ARID3C: variants seen among roughly 807,000 people sequenced by gnomAD.
ARID3C encodes AT-rich interaction domain 3C, also known as AT-rich interactive domain-containing protein 3C.
ARID3C carries 42 observed loss-of-function variants against 37.9 expected under a neutral mutation model. That is an observed-to-expected ratio of 1.11 (90% CI 0.87 to 1.43). ARID3C has a LOEUF of 1.43. Among genes scored for constraint, ARID3C ranks in the 40% most tolerant of loss-of-function variants. The pLI, the probability that ARID3C is intolerant of heterozygous loss-of-function variation, is 0.00. For synonymous variants in ARID3C, 213 were observed against 228.0 expected (o/e 0.93, Z 0.59); for missense variants, 581 against 548.8 (o/e 1.06, Z -0.59).
intron 1 of ARID3C, among the ~76,000 whole-genome samples, chr9:34,626,097 C>T (rs1480378402): frequency 6.6e-6 from 1 of 152,208 alleles, no homozygotes; most frequent in East Asian, 1.9e-4. Context: ...CTTGGAGGCT[C>T]AGCCTGCCCT....
exon 4 of ARID3C, chr9:34,623,532 C>T (rs768875626): frequency 3.2e-6 from 5 of 1,570,748 alleles, no homozygotes; most frequent in Admixed American, 1.9e-5. Context: ...AGGGGCGGGG[C>T]CGGGACCCAA....
chr9:34,626,880 C>T (rs1820659912), intron 1 of ARID3C, among the ~76,000 whole-genome samples: 2 of 152,146 alleles, frequency 1.3e-5, no homozygotes, highest in South Asian at 4.1e-4. Flanking sequence ...GGAATATACC[C>T]AGACCAACAC....
At chr9:34,630,368 C>T (rs1213331574), upstream of ARID3C, among the ~76,000 whole-genome samples, 1 of 152,158 alleles carries the variant, frequency 6.6e-6, no homozygotes, top group Non-Finnish European at 1.5e-5. Context: ...CTCATACTTC[C>T]TATTTCTTCC....
intron 1 of ARID3C, 29 bp downstream of exon 2, chr9:34,627,668 G>A (rs1820673735): frequency 1.3e-6 from 2 of 1,557,970 alleles, no homozygotes; most frequent in South Asian, 2.4e-5. Flanking sequence ...ATAGGGAAGA[G>A]GGCCGGACAT....
downstream of ARID3C, chr9:34,621,333 G>T: frequency 1.6e-6 from 1 of 629,522 alleles, no homozygotes; most frequent in Non-Finnish European, 2.6e-6. Flanking sequence ...AAGTCCACAT[G>T]GCATGGGAGG....
chr9:34,622,268 T>C, intron 5 of ARID3C, 79 bp downstream of exon 6: 1 of 1,570,018 alleles, frequency 6.4e-7, no homozygotes, highest in Non-Finnish European at 8.7e-7. Context: ...CTGCCCCGTC[T>C]CTAACACCTA....
upstream of ARID3C, among the ~76,000 whole-genome samples, chr9:34,628,762 A>G (rs1229767339): frequency 1.3e-5 from 2 of 152,200 alleles, no homozygotes; most frequent in East Asian, 3.8e-4. This position sits in a 1 kb window ranked among gnomAD's most constrained non-coding sequence, Gnocchi z 5.2. Context: ...CGGGAAAAAC[A>G]GCCGGAGAGA....
chr9:34,632,870 A>G (rs561306402), upstream of ARID3C, among the ~76,000 whole-genome samples: 1 of 152,126 alleles, frequency 6.6e-6, no homozygotes, highest in African/African-American at 2.4e-5. Context: ...TTGAGTAGAG[A>G]TGAAGGCAGT....
At chr9:34,623,959 C>A in exon 3 of ARID3C, 1 of 1,605,824 alleles carries the variant, frequency 6.2e-7, no homozygotes, top group Non-Finnish European at 8.5e-7. Flanking sequence ...TGACTTCCAC[C>A]AGGCCGCCCT....
At chr9:34,628,776 G>T (rs939862610), upstream of ARID3C, among the ~76,000 whole-genome samples, 5 of 152,202 alleles carry the variant, frequency 3.3e-5, no homozygotes, top group Admixed American at 6.5e-5. This position sits in a 1 kb window ranked among gnomAD's most constrained non-coding sequence, Gnocchi z 5.2. Context: ...GGAGAGAGGG[G>T]CAGAGGACAG....
At chr9:34,629,267 G>A (rs996265858), upstream of ARID3C, among the ~76,000 whole-genome samples, 1 of 152,186 alleles carries the variant, frequency 6.6e-6, no homozygotes, top group Non-Finnish European at 1.5e-5. Context: ...ACCGGACTCC[G>A]GACCAGAGCC....
chr9:34,628,117 C>T, upstream of ARID3C: 1 of 1,401,182 alleles, frequency 7.1e-7, no homozygotes, highest in Non-Finnish European at 9.3e-7. This position sits in a 1 kb window ranked among gnomAD's most constrained non-coding sequence, Gnocchi z 5.2. Flanking sequence ...GGTGCTGGGC[C>T]CTACTGCCCC....
chr9:34,626,299 C>T (rs1213100831), intron 1 of ARID3C, among the ~76,000 whole-genome samples: 46 of 152,192 alleles, frequency 3.0e-4, no homozygotes, highest in Admixed American at 3.0e-3. Flanking sequence ...ATGCTCCTAA[C>T]CCACCCCTCA....
chr9:34,631,010 T>C (rs1266101736), upstream of ARID3C, among the ~76,000 whole-genome samples: 1 of 152,140 alleles, frequency 6.6e-6, no homozygotes, highest in East Asian at 1.9e-4. Context: ...TCAGTGAATG[T>C]GCCAGGCAGA....
At chr9:34,625,914 G>T (rs1820648952) in intron 1 of ARID3C, 100 bp from the exon 3 acceptor site, 13 of 1,311,148 alleles carry the variant, frequency 9.9e-6, no homozygotes, top group East Asian at 2.4e-5. Flanking sequence ...CTAGCTGAAG[G>T]AGTCAGTAGG....
At chr9:34,632,315 T>C (rs907928499), upstream of ARID3C, among the ~76,000 whole-genome samples, 3 of 152,020 alleles carry the variant, frequency 2.0e-5, no homozygotes, top group African/African-American at 7.3e-5. Context: ...GAATTTTGCT[T>C]GATGTGTTGG....
chr9:34,627,623 T>G, intron 1 of ARID3C, 74 bp downstream of exon 2: 1 of 1,419,970 alleles, frequency 7.0e-7, no homozygotes, highest in Non-Finnish European at 9.6e-7. Context: ...GGTGGGCTGC[T>G]AATCACCTGG....
At chr9:34,628,806 A>ATG (rs1464729244), upstream of ARID3C, among the ~76,000 whole-genome samples, 2 of 152,112 alleles carry the variant, frequency 1.3e-5, no homozygotes, top group Admixed American at 1.3e-4. The surrounding 1 kb of genome is among the most constrained non-coding windows in gnomAD (Gnocchi z 5.2). Flanking sequence ...AGTCGCGGGG[A>ATG]TGGAGGGCGG....
At chr9:34,625,647 C>T (rs1820644604) in intron 2 of ARID3C, 95 bp downstream of exon 3, 1 of 1,383,548 alleles carries the variant, frequency 7.2e-7, no homozygotes, top group Admixed American at 1.7e-5. Context: ...CAGGTGCTGC[C>T]AAGCTCAGGC....
Sources: gnomAD v4.1 joint callset for allele counts (sites outside exome capture counted in the v4.1 genomes callset) on GRCh38, gnomAD v4.1.1 for gene constraint, Gnocchi (gnomAD v3.1) non-coding constraint, MANE v1.5 for transcripts, NCBI Gene and HGNC (gene_info 2026-07-23, HGNC 2026-07-21) for gene names.